Variants in SYNDIG1L observed in about 807,000 individuals in gnomAD.
SYNDIG1L encodes synapse differentiation-inducing gene protein 1-like.
In SYNDIG1L, 13 loss-of-function variants were observed where a neutral mutation model predicts 20.1. The ratio of observed to expected loss-of-function variants is 0.65; its 90% CI spans 0.42 to 1.03. The LOEUF is 1.03. Among genes scored for constraint, SYNDIG1L ranks in the 50% least tolerant of loss-of-function variants. The probability of loss-of-function intolerance (pLI) is 0.00; values close to 1 mark genes in which losing one functional copy is unlikely to be tolerated. For missense variants in SYNDIG1L, 294 were observed against 305.1 expected (o/e 0.96, Z 0.27); for synonymous variants, 128 against 129.3 (o/e 0.99, Z 0.07).
chr14:74,435,513 T>C, the SYNDIG1L span, among the ~76,000 whole-genome samples: 2 of 152,216 alleles, frequency 1.3e-5, no homozygotes, highest in African/African-American at 4.8e-5. Flanking sequence ...CTGGGCTTTG[T>C]GATTCCTTAC....
the SYNDIG1L span, among the ~76,000 whole-genome samples, chr14:74,468,256 C>T: frequency 6.6e-6 from 1 of 152,174 alleles, no homozygotes; most frequent in African/African-American, 2.4e-5. Flanking sequence ...ATGTTCTAAT[C>T]CAATCTGATG....
chr14:74,419,303 G>C (rs1351332088), intron 1 of SYNDIG1L, among the ~76,000 whole-genome samples: 4 of 152,154 alleles, frequency 2.6e-5, no homozygotes, highest in Admixed American at 1.3e-4. Flanking sequence ...TCCTTCACCA[G>C]ACTGTGAGCT....
chr14:74,457,071 G>A, the SYNDIG1L span, among the ~76,000 whole-genome samples: 14 of 152,214 alleles, frequency 9.2e-5, no homozygotes, highest in African/African-American at 2.2e-4. Context: ...TGGGGCCAGC[G>A]TGCCCAAGGC....
rs1362482437 is a variant in SYNDIG1L, at chr14:74,407,578, A to C, written c.674T>G (p.Val225Gly). Reference sequence around the variant, plus strand: ...GGACATGTAAGCTGCCAGAGCCACCACCACAGCCACGTAGAGACCGGCCCC... The same window carrying C: ...GGACATGTAAGCTGCCAGAGCCACCCCCACAGCCACGTAGAGACCGGCCCC... ...AVGAGLYVAV[V>G]VALAAYMSQN... is the part of the protein sequence containing the mutation. The change falls in exon 4 of 4, where the codon GTG (valine) becomes GGG (glycine). Residue 225 changes from valine (V) to glycine (G), a missense_variant. Coordinates refer to ENST00000331628, the MANE Select transcript of SYNDIG1L (RefSeq NM_001105579.2). 4.6e-5 allele frequency: 74 copies of C among 1,613,924 alleles called. No homozygotes were observed. The highest frequency in any genetic ancestry group is 6.1e-5 in the Non-Finnish European group (72 of 1,179,966).
chr14:74,442,277 T>A, the SYNDIG1L span, among the ~76,000 whole-genome samples: 1 of 152,100 alleles, frequency 6.6e-6, no homozygotes, highest in Non-Finnish European at 1.5e-5. Context: ...TTAACAAAAT[T>A]AAGATGGTAA....
intron 2 of SYNDIG1L, among the ~76,000 whole-genome samples, chr14:74,409,048 TTTTATTTATTTATTTATTTA>T (rs10642138): frequency 1.4e-5 from 2 of 139,750 alleles, no homozygotes; most frequent in Non-Finnish European, 3.1e-5. Flanking sequence ...GGAACTTGCA[TTTTATTTATTTATTTATTTA>T]TTTATTTATT....
chr14:74,441,381 G>A, the SYNDIG1L span, among the ~76,000 whole-genome samples: 2 of 152,220 alleles, frequency 1.3e-5, no homozygotes, highest in Non-Finnish European at 2.9e-5. Context: ...GGTAGGGTGA[G>A]TATATAGAAT....
the SYNDIG1L span, among the ~76,000 whole-genome samples, chr14:74,451,867 A>G: frequency 6.6e-6 from 1 of 151,356 alleles, no homozygotes; most frequent in Non-Finnish European, 1.5e-5. Flanking sequence ...GCACGCGTCT[A>G]TAGTCCCAGC....
chr14:74,469,375 C>A, the SYNDIG1L span, among the ~76,000 whole-genome samples: 2 of 62,452 alleles, frequency 3.2e-5, no homozygotes, highest in African/African-American at 7.1e-5. Flanking sequence ...TGTCGTGGGG[C>A]GGGGGGAGGG....
At chr14:74,411,357 G>A (rs935927939) in intron 1 of SYNDIG1L, among the ~76,000 whole-genome samples, 3 of 152,174 alleles carry the variant, frequency 2.0e-5, no homozygotes, top group Admixed American at 6.5e-5. Context: ...CTGACTTCTG[G>A]GCTTCAGACT....
At chr14:74,440,487 C>A in the SYNDIG1L span, among the ~76,000 whole-genome samples, 1 of 145,846 alleles carries the variant, frequency 6.9e-6, no homozygotes, top group Non-Finnish European at 1.5e-5. Context: ...TGCTCTCCAG[C>A]CTGGGCGACA....
intron 1 of SYNDIG1L, among the ~76,000 whole-genome samples, chr14:74,423,426 G>A (rs2086240233): frequency 6.6e-6 from 1 of 152,188 alleles, no homozygotes; most frequent in African/African-American, 2.4e-5. Context: ...TTTGTTATGA[G>A]GGTTAGTGAC....
intron 1 of SYNDIG1L, among the ~76,000 whole-genome samples, chr14:74,423,715 C>T (rs74060986): frequency 2.2e-3 from 315 of 142,652 alleles, no homozygotes; most frequent in African/African-American, 8.0e-3. Flanking sequence ...CACACACACA[C>T]GTAACACAAA....
intron 1 of SYNDIG1L, among the ~76,000 whole-genome samples, chr14:74,424,193 C>T (rs1478585595): frequency 6.6e-6 from 1 of 152,116 alleles, no homozygotes; most frequent in African/African-American, 2.4e-5. Context: ...TCAGAAAGCC[C>T]TACAGAATAT....
At chr14:74,432,841 G>A in the SYNDIG1L span, among the ~76,000 whole-genome samples, 6 of 151,668 alleles carry the variant, frequency 4.0e-5, no homozygotes, top group Non-Finnish European at 8.8e-5. Flanking sequence ...GGGACAGAGG[G>A]AGATTCTGTC....
the SYNDIG1L span, among the ~76,000 whole-genome samples, chr14:74,455,420 G>A: frequency 7.8e-6 from 1 of 128,464 alleles, no homozygotes; most frequent in Non-Finnish European, 1.6e-5. Context: ...TTTTGAGACA[G>A]AGTCTTGCCC....
At chr14:74,409,275 G>T in intron 2 of SYNDIG1L, 53 bp downstream of exon 2, 1 of 1,292,240 alleles carries the variant, frequency 7.7e-7, no homozygotes, top group Non-Finnish European at 1.0e-6. Flanking sequence ...GTAGAGTCGG[G>T]GTCTCCTTGT....
the SYNDIG1L span, among the ~76,000 whole-genome samples, chr14:74,437,115 C>A: frequency 1.3e-3 from 195 of 152,262 alleles, 1 homozygote; most frequent in African/African-American, 4.1e-3. Context: ...TAGATGTTTG[C>A]TGAATAAAGA....
At chr14:74,472,417 A>C in the SYNDIG1L span, 1 of 152,244 alleles carries the variant, frequency 6.6e-6, no homozygotes, top group Non-Finnish European at 1.5e-5. Flanking sequence ...TGGCCCAAAA[A>C]AGATAGTTAA....
Sources: allele counts gnomAD v4.1 joint callset (sites outside exome capture counted in the v4.1 genomes callset), GRCh38; gene constraint gnomAD v4.1.1; transcripts MANE v1.5; gene names NCBI Gene and HGNC (gene_info 2026-07-23, HGNC 2026-07-21).